The following CERKL variants were observed in gnomAD, a reference collection of about 807,000 sequenced individuals.
CERKL encodes the protein CERK like autophagy regulator.
In CERKL, 61 loss-of-function variants were observed where a neutral mutation model predicts 63.4. That is an observed-to-expected ratio of 0.96 (90% CI 0.78 to 1.19). The LOEUF is 1.19. CERKL is among the 50% of genes most tolerant of loss of function. CERKL has a pLI of 0.00. For missense variants in CERKL, 675 were observed against 655.5 expected, an observed-to-expected ratio of 1.03 and a Z score of -0.33; for synonymous variants, 250 against 230.5, an observed-to-expected ratio of 1.08 and a Z score of -0.77.
At chr2:181,540,559 G>A (rs1214338581) in intron 11 of CERKL, among the ~76,000 whole-genome samples, 1 of 152,148 alleles carries the variant, frequency 6.6e-6, no homozygotes, top group Non-Finnish European at 1.5e-5. Context: ...GGATGGCAGA[G>A]TCAGAGACTG....
intron 2 of CERKL, among the ~76,000 whole-genome samples, chr2:181,599,410 G>A (rs537510254): frequency 3.3e-5 from 5 of 151,812 alleles, no homozygotes; most frequent in South Asian, 2.1e-4. Context: ...GGTGGCACTC[G>A]CCCGTAATCC....
chr2:181,649,173 C>A (rs982172532), intron 1 of CERKL, among the ~76,000 whole-genome samples: 1 of 152,128 alleles, frequency 6.6e-6, no homozygotes, highest in Non-Finnish European at 1.5e-5. Context: ...AGGCTTACCT[C>A]ACCGTTAAAG....
In CERKL at chr2:181,603,865, C is replaced by T. The variant is rs746595127; in HGVS notation, c.453G>A (p.Trp151Ter). 5.6e-6 allele frequency: 9 copies of T among 1,613,192 alleles called. No homozygotes were observed. The Admixed American group carries it at 8.3e-5, about 15-fold the overall frequency. The change falls in exon 2 of 13, where the codon TGG (tryptophan) becomes TGA (stop). Residue 151 changes from tryptophan to a stop codon, truncating the protein, a stop_gained. Coordinates refer to ENST00000410087, the MANE Select transcript of CERKL (RefSeq NM_201548.5). LOFTEE classifies it high-confidence loss of function. Reference sequence around the variant, plus strand: ...CCAATATTTTCTTGAACTGTCTAAACCATATGTCACAGTGGTCTTCACTTA... The same window carrying T: ...CCAATATTTTCTTGAACTGTCTAAATCATATGTCACAGTGGTCTTCACTTA... ...INLSEDHCDI[W>*]FRQFKKILAG...
intron 2 of CERKL, among the ~76,000 whole-genome samples, chr2:181,596,091 C>T (rs1323127487): frequency 1.6e-4 from 25 of 152,132 alleles, no homozygotes; most frequent in Admixed American, 1.6e-3. Context: ...CACATAAGAT[C>T]TGACAAAGTT....
intron 2 of CERKL, among the ~76,000 whole-genome samples, chr2:181,591,603 C>G (rs149226937): frequency 4.6e-5 from 7 of 152,148 alleles, no homozygotes; most frequent in African/African-American, 7.2e-5. Context: ...CCACTTTTCT[C>G]AAAGTAGTTT....
chr2:181,593,002 A>C (rs1685051134), intron 2 of CERKL, among the ~76,000 whole-genome samples: 1 of 152,148 alleles, frequency 6.6e-6, no homozygotes, highest in Non-Finnish European at 1.5e-5. Context: ...GAAGCTCAAT[A>C]CATACCTGGA....
intron 1 of CERKL, among the ~76,000 whole-genome samples, chr2:181,630,579 T>C (rs745498166): frequency 2.6e-5 from 4 of 152,150 alleles, no homozygotes; most frequent in Non-Finnish European, 2.9e-5. Context: ...TCTCTATCCA[T>C]GCAGGCAAAA....
intron 8 of CERKL, 134 bp downstream of exon 8, chr2:181,548,411 G>C (rs1687829883): frequency 4.1e-6 from 3 of 727,136 alleles, no homozygotes; most frequent in Non-Finnish European, 7.2e-6. Flanking sequence ...GGACCTGTAA[G>C]AGTCTGTGAT....
chr2:181,653,075 CTTGA>C (rs1688007763), intron 1 of CERKL, among the ~76,000 whole-genome samples: 1 of 152,078 alleles, frequency 6.6e-6, no homozygotes, highest in African/African-American at 2.4e-5. Context: ...GCCTGGCCAA[CTTGA>C]TTTTTTAAAT....
intron 1 of CERKL, among the ~76,000 whole-genome samples, chr2:181,656,521 C>CG (rs1213070556): frequency 2.6e-5 from 4 of 151,856 alleles, no homozygotes; most frequent in East Asian, 1.9e-4. Context: ...GTCTCGGAGG[C>CG]GGGAAAAGGC....
intron 2 of CERKL, among the ~76,000 whole-genome samples, chr2:181,585,055 A>G (rs1030194915): frequency 6.6e-6 from 1 of 151,930 alleles, no homozygotes; most frequent in South Asian, 2.1e-4. Context: ...GCTTTCTTCT[A>G]AAACTCCACA....
intron 4 of CERKL, chr2:181,565,558 A>T: frequency 8.0e-7 from 1 of 1,243,960 alleles, no homozygotes; most frequent in Non-Finnish European, 1.2e-6. Context: ...TGAGATAATT[A>T]AAATTATTTC....
chr2:181,565,561 A>ATTAT (rs1277226873), intron 4 of CERKL: 2 of 1,210,976 alleles, frequency 1.7e-6, no homozygotes, highest in Non-Finnish European at 2.4e-6. Context: ...GATAATTAAA[A>ATTAT]TTATTTCTTA....
At chr2:181,566,954 C>T (rs1688693424) in intron 3 of CERKL, among the ~76,000 whole-genome samples, 1 of 152,092 alleles carries the variant, frequency 6.6e-6, no homozygotes, top group South Asian at 2.1e-4. Context: ...GAATGTGTGT[C>T]ATTATATGCA....
intron 1 of CERKL, among the ~76,000 whole-genome samples, chr2:181,638,518 A>G (rs912829435): frequency 4.6e-5 from 7 of 152,204 alleles, no homozygotes; most frequent in African/African-American, 1.7e-4. Context: ...GAATTGAAAA[A>G]CATTTAATAG....
intron 2 of CERKL, among the ~76,000 whole-genome samples, chr2:181,588,785 A>C (rs956840418): frequency 6.6e-6 from 1 of 152,108 alleles, no homozygotes; most frequent in Non-Finnish European, 1.5e-5. Flanking sequence ...CCATTCTAAC[A>C]AGTGTGAGGC....
chr2:181,546,930 T>C (rs778111616), intron 10 of CERKL, among the ~76,000 whole-genome samples: 2 of 152,170 alleles, frequency 1.3e-5, no homozygotes, highest in South Asian at 4.1e-4. Flanking sequence ...ATAATTCCCA[T>C]GTGTTGTGGG....
intron 1 of CERKL, among the ~76,000 whole-genome samples, chr2:181,632,834 A>T (rs1351521543): frequency 6.6e-6 from 1 of 152,140 alleles, no homozygotes; most frequent in Admixed American, 6.6e-5. Context: ...CCTGCTCCTC[A>T]GGAGGCAGAA....
At chr2:181,554,047 T>C (rs1688100126) in intron 5 of CERKL, among the ~76,000 whole-genome samples, 1 of 151,968 alleles carries the variant, frequency 6.6e-6, no homozygotes, top group South Asian at 2.1e-4. Flanking sequence ...ACCAGAAACT[T>C]TGCCTACCAC....
Sources: gnomAD v4.1 joint callset for allele counts (sites outside exome capture counted in the v4.1 genomes callset) on GRCh38, gnomAD v4.1.1 for gene constraint, MANE v1.5 for transcripts, NCBI Gene and HGNC (gene_info 2026-07-23, HGNC 2026-07-21) for gene names.